The following TSHR variants were observed in gnomAD, a reference collection of about 807,000 sequenced individuals.
The protein encoded by TSHR is thyrotropin receptor.
In TSHR, 51 loss-of-function variants were observed where a neutral mutation model predicts 64.1. That is an observed-to-expected ratio of 0.80 (90% CI 0.64 to 1.01). The LOEUF (loss-of-function observed/expected upper bound fraction) is 1.01, where lower values mean the gene tolerates loss of function less well. TSHR is among the 50% of genes least tolerant of loss of function. The pLI is 0.00. For synonymous variants in TSHR, 361 were observed against 361.9 expected (o/e 1.00, Z 0.03); for missense variants, 877 against 942.8 (o/e 0.93, Z 0.91).
intron 7 of TSHR, among the ~76,000 whole-genome samples, chr14:81,097,051 A>T (rs1009460844): frequency 1.1e-4 from 17 of 152,084 alleles, no homozygotes; most frequent in African/African-American, 4.1e-4. Flanking sequence ...GTCCTTTCTG[A>T]CATGTTTTTG....
chr14:80,963,822 G>C (rs1012075615), intron 1 of TSHR, among the ~76,000 whole-genome samples: 1 of 152,224 alleles, frequency 6.6e-6, no homozygotes, highest in Admixed American at 6.5e-5. Context: ...AAAAGTCGGA[G>C]AGACCTTCTG....
intron 1 of TSHR, among the ~76,000 whole-genome samples, chr14:81,009,011 T>C (rs1367350025): frequency 6.6e-6 from 1 of 152,214 alleles, no homozygotes; most frequent in Non-Finnish European, 1.5e-5. Flanking sequence ...CTTGATTACA[T>C]TGTCAAAACA....
intron 1 of TSHR, among the ~76,000 whole-genome samples, chr14:80,964,886 T>C (rs1332797266): frequency 6.6e-6 from 1 of 152,236 alleles, no homozygotes; most frequent in Non-Finnish European, 1.5e-5. Flanking sequence ...TTTCAACAGT[T>C]ACTACTGTTA....
At chr14:81,050,052 C>A (rs921640883) in intron 1 of TSHR, 3 of 152,070 alleles carry the variant, frequency 2.0e-5, no homozygotes, top group Non-Finnish European at 4.4e-5. Flanking sequence ...TCCCTAAGAA[C>A]TTAGAAACAA....
intron 7 of TSHR, chr14:81,104,849 G>A (rs1260971877): frequency 2.0e-6 from 2 of 985,184 alleles, no homozygotes; most frequent in Admixed American, 6.2e-5. Context: ...CTTCCAACAG[G>A]TTCTCAAAGA....
intron 1 of TSHR, chr14:81,013,413 T>C (rs1247953898): frequency 1.3e-5 from 2 of 152,216 alleles, no homozygotes; most frequent in Non-Finnish European, 1.5e-5. Context: ...TAGGATTGAC[T>C]TGGCAATACA....
intron 1 of TSHR, among the ~76,000 whole-genome samples, chr14:80,964,143 G>A (rs553357120): frequency 3.9e-5 from 6 of 152,178 alleles, no homozygotes; most frequent in East Asian, 1.9e-4. Context: ...GAGCGGGGGC[G>A]GATCACGAGG....
intron 6 of TSHR, chr14:81,095,452 A>G (rs1422511714): frequency 1.3e-5 from 2 of 152,480 alleles, no homozygotes; most frequent in Non-Finnish European, 2.9e-5. Context: ...AGGCGCCTGT[A>G]ATCCCAGCTA....
At chr14:81,114,519 G>C (rs904249771) in intron 8 of TSHR, among the ~76,000 whole-genome samples, 3 of 152,084 alleles carry the variant, frequency 2.0e-5, no homozygotes, top group African/African-American at 7.2e-5. Flanking sequence ...CACCTGGCTC[G>C]GAGGGTCCTA....
intron 3 of TSHR, among the ~76,000 whole-genome samples, chr14:81,084,151 T>A (rs1888113173): frequency 6.6e-6 from 1 of 152,210 alleles, no homozygotes; most frequent in Admixed American, 6.5e-5. Flanking sequence ...CCAGACCATA[T>A]CATCTTCCAA....
chr14:81,076,478 T>A (rs1413451987), intron 3 of TSHR, among the ~76,000 whole-genome samples: 1 of 152,192 alleles, frequency 6.6e-6, no homozygotes, highest in East Asian at 1.9e-4. Flanking sequence ...TTCCCAGACA[T>A]CTTACACATA....
chr14:81,010,577 A>G (rs992580241), intron 1 of TSHR, among the ~76,000 whole-genome samples: 2 of 152,054 alleles, frequency 1.3e-5, no homozygotes, highest in African/African-American at 4.8e-5. Context: ...ATTAATCTTT[A>G]TATGCAACAA....
At chr14:81,031,009 G>A (rs997075859) in intron 1 of TSHR, among the ~76,000 whole-genome samples, 11 of 152,046 alleles carry the variant, frequency 7.2e-5, no homozygotes, top group Admixed American at 2.6e-4. Context: ...TAAAAGCTGC[G>A]GTATAATGGG....
chr14:81,141,427 T>C (rs947102294), intron 9 of TSHR, among the ~76,000 whole-genome samples: 1 of 152,210 alleles, frequency 6.6e-6, no homozygotes, highest in Non-Finnish European at 1.5e-5. Context: ...ATCCCTTTTG[T>C]TGTGAGTCTG....
Position 81,103,440 on chromosome 14 carries a change from G to GA in TSHR, c.615-4932dup. ...TCATTCCACTTCATGACAATTTACT[G>GA]AAATTAGCAGATCGACCTCATTTAC... On this transcript the variant is annotated intron_variant, in intron 7 of 9. Coordinates refer to ENST00000298171, the MANE Select transcript of TSHR (RefSeq NM_000369.5). This position sits in a 1 kb window ranked among gnomAD's most constrained non-coding sequence, Gnocchi z 4.1. 2.0e-6 allele frequency: 2 copies of GA among 985,432 alleles called. No individual in the cohort carries two copies. The highest frequency in any genetic ancestry group is 2.4e-6 in the Non-Finnish European group (2 of 829,938). The allele number at this position is 985,432 out of a possible 1,614,324, so 61.0% of individuals were successfully genotyped here.
At chr14:81,084,581 T>A (rs1231459854) in intron 3 of TSHR, among the ~76,000 whole-genome samples, 2 of 152,178 alleles carry the variant, frequency 1.3e-5, no homozygotes, top group Non-Finnish European at 1.5e-5. Context: ...GAGTACTGGA[T>A]GGATGAGTGG....
At chr14:81,087,795 T>C in intron 3 of TSHR, 159 bp from the exon 4 acceptor site, 9 of 697,804 alleles carry the variant, frequency 1.3e-5, no homozygotes, top group East Asian at 2.7e-5. Flanking sequence ...TAGTTTGTCA[T>C]TGATGGGACC....
intron 1 of TSHR, among the ~76,000 whole-genome samples, chr14:80,964,594 T>C (rs1227893364): frequency 2.0e-5 from 3 of 152,200 alleles, no homozygotes; most frequent in African/African-American, 7.2e-5. Context: ...CAGGAGTTCA[T>C]GGTTGTGCTC....
intron 1 of TSHR, among the ~76,000 whole-genome samples, chr14:81,002,184 C>T (rs1889359037): frequency 6.6e-6 from 1 of 152,120 alleles, no homozygotes; most frequent in Non-Finnish European, 1.5e-5. Context: ...TGTATATTAC[C>T]TTTCTAAAAT....
Sources: gnomAD v4.1 joint callset for allele counts (sites outside exome capture counted in the v4.1 genomes callset) on GRCh38, gnomAD v4.1.1 for gene constraint, Gnocchi (gnomAD v3.1) non-coding constraint, MANE v1.5 for transcripts, NCBI Gene and HGNC (gene_info 2026-07-23, HGNC 2026-07-21) for gene names.